Variants in OSBPL6 observed in about 807,000 individuals in gnomAD.
OSBPL6 encodes oxysterol-binding protein-related protein 6.
A neutral mutation model predicts 125.8 loss-of-function variants in OSBPL6; 49 were observed. The ratio of observed to expected loss-of-function variants is 0.39; its 90% confidence interval spans 0.31 to 0.49. The LOEUF is 0.49. Among genes scored for constraint, OSBPL6 ranks in the 20% least tolerant of loss-of-function variants. The pLI is 0.88. For missense variants in OSBPL6, 986 were observed against 1,135.4 expected (o/e 0.87, Z 1.89); for synonymous variants, 394 against 391.8 (o/e 1.01, Z -0.07).
intron 11 of OSBPL6, among the ~76,000 whole-genome samples, chr2:178,347,083 C>T (rs1253041215): frequency 1.3e-5 from 2 of 152,022 alleles, no homozygotes; most frequent in Non-Finnish European, 2.9e-5. Flanking sequence ...TTTTTCTTCT[C>T]AGCATCTGAC....
chr2:178,246,764 C>T (rs2091505560), intron 1 of OSBPL6, among the ~76,000 whole-genome samples: 1 of 152,124 alleles, frequency 6.6e-6, no homozygotes, highest in Non-Finnish European at 1.5e-5. Flanking sequence ...TCCTTTTGGT[C>T]TCACTCCACT....
chr2:178,384,819 T>A (rs1694789820), intron 18 of OSBPL6, among the ~76,000 whole-genome samples: 1 of 152,060 alleles, frequency 6.6e-6, no homozygotes, highest in Admixed American at 6.6e-5. Flanking sequence ...GGTAAAGATC[T>A]TGAGGCCCAC....
rs1381046300 is a variant in OSBPL6 at position 178,401,146 on chromosome 2, T to C, written c.*5587T>C. On this transcript the variant is annotated 3_prime_UTR_variant, in exon 25 of 25. Transcript: ENST00000190611. Reference sequence around the variant, plus strand: ...CGCTGAGGAAACCCTGGGAAGTGTTTTTCTCTTCTGTGTAATGAAAGACTC... The same window carrying C: ...CGCTGAGGAAACCCTGGGAAGTGTTCTTCTCTTCTGTGTAATGAAAGACTC... The C allele has an allele frequency of 6.6e-6, 1 of 152,242 alleles. No individual in the cohort carries two copies. Among genetic ancestry groups the C allele is most frequent in the South Asian group, 2.1e-4 (1 of 4,832 alleles). 9.4% of individuals were successfully genotyped at this position (152,242 alleles called of 1,614,324 possible).
intron 13 of OSBPL6, among the ~76,000 whole-genome samples, chr2:178,363,601 C>G (rs1692549801): frequency 6.6e-6 from 1 of 152,162 alleles, no homozygotes; most frequent in African/African-American, 2.4e-5. Context: ...TTGGAGGAAT[C>G]AGACCTTGAA....
intron 1 of OSBPL6, among the ~76,000 whole-genome samples, chr2:178,233,716 G>A (rs1010509537): frequency 6.6e-6 from 1 of 152,102 alleles, no homozygotes; most frequent in African/African-American, 2.4e-5. Context: ...GCATCAGAAG[G>A]GATCTGGCCA....
At chr2:178,215,592 C>T (rs1025845588) in intron 1 of OSBPL6, among the ~76,000 whole-genome samples, 1 of 151,826 alleles carries the variant, frequency 6.6e-6, no homozygotes, top group Non-Finnish European at 1.5e-5. Flanking sequence ...CTTGGGGACC[C>T]AGCTTTATTC....
At chr2:178,224,352 G>GA (rs1015152251) in intron 1 of OSBPL6, among the ~76,000 whole-genome samples, 19 of 150,514 alleles carry the variant, frequency 1.3e-4, no homozygotes, top group Non-Finnish European at 2.5e-4. Context: ...GTTATGTTTA[G>GA]AAAAAAAAAT....
At chr2:178,215,779 A>G (rs1286338367) in intron 1 of OSBPL6, among the ~76,000 whole-genome samples, 1 of 152,150 alleles carries the variant, frequency 6.6e-6, no homozygotes, top group African/African-American at 2.4e-5. Flanking sequence ...AGTTTTGTCA[A>G]CTGAGGAGAT....
intron 1 of OSBPL6, among the ~76,000 whole-genome samples, chr2:178,235,854 G>A (rs575015904): frequency 7.6e-4 from 115 of 152,186 alleles, no homozygotes; most frequent in Admixed American, 1.6e-3. Context: ...TATTCCTTGG[G>A]TGTCTTTAAT....
rs375630982 is a variant in OSBPL6, at chr2:178,239,592, T to TTTTTTTTTTTA, written c.-351+44921_-351+44922insTTTTTTTATTT. ...GATATTATTAATTTAATGAACTTTA[T>TTTTTTTTTTTA]TTTATTTATTTATTTATTTATTTAT... On this transcript the variant is annotated intron_variant, in intron 1 of 24. Coordinates refer to ENST00000190611, the MANE Select transcript of OSBPL6 (RefSeq NM_032523.4). Among the ~76,000 whole-genome samples, 7 of 138,712 alleles carry TTTTTTTTTTTA rather than the reference T, an allele frequency of 5.0e-5. No individual in the cohort carries two copies. In the Admixed American group the frequency reaches 5.1e-4, roughly 10 times the overall value. 91.0% of individuals were successfully genotyped at this position (138,712 alleles called of 152,430 possible).
At chr2:178,285,282 A>G (rs1684587916) in intron 2 of OSBPL6, among the ~76,000 whole-genome samples, 161 bp downstream of exon 2, 1 of 152,222 alleles carries the variant, frequency 6.6e-6, no homozygotes, top group Admixed American at 6.5e-5. Context: ...CATAATCCTT[A>G]TAATAAAAAG....
At chr2:178,304,611 T>C (rs1367060429) in intron 2 of OSBPL6, among the ~76,000 whole-genome samples, 7 of 152,186 alleles carry the variant, frequency 4.6e-5, no homozygotes, top group East Asian at 1.9e-4. Flanking sequence ...GGCACTAACC[T>C]AGTCACAAGG....
chr2:178,368,892 G>A (rs73034303), intron 13 of OSBPL6, among the ~76,000 whole-genome samples: 4,488 of 151,658 alleles, frequency 0.03, 211 homozygotes, highest in African/African-American at 0.1. Flanking sequence ...TCCACCTCGA[G>A]TTAAAGTGAT....
chr2:178,324,749 A>G (rs367710733), intron 4 of OSBPL6, among the ~76,000 whole-genome samples: 2 of 152,210 alleles, frequency 1.3e-5, no homozygotes, highest in African/African-American at 4.8e-5. Flanking sequence ...TTTTACAAAT[A>G]TGGAAACTGA....
At chr2:178,267,422 A>G (rs759545171) in intron 1 of OSBPL6, among the ~76,000 whole-genome samples, 3 of 151,486 alleles carry the variant, frequency 2.0e-5, no homozygotes, top group African/African-American at 4.8e-5. Context: ...TCTATCTATT[A>G]TGTCTTTACC....
chr2:178,364,109 C>A (rs1692597038), intron 13 of OSBPL6, among the ~76,000 whole-genome samples: 1 of 152,124 alleles, frequency 6.6e-6, no homozygotes, highest in African/African-American at 2.4e-5. Context: ...AATTGTTATT[C>A]ATGGTTAGGC....
intron 3 of OSBPL6, among the ~76,000 whole-genome samples, chr2:178,319,903 A>G (rs1469110544): frequency 6.6e-6 from 1 of 152,244 alleles, no homozygotes; most frequent in Non-Finnish European, 1.5e-5. Flanking sequence ...CTTAGCTAAG[A>G]TAGTTAGGTG....
chr2:178,305,292 G>T (rs538657930), intron 2 of OSBPL6, among the ~76,000 whole-genome samples: 1 of 152,248 alleles, frequency 6.6e-6, no homozygotes, highest in Admixed American at 6.5e-5. Flanking sequence ...TGGAGACAAG[G>T]CCAATTTAAG....
intron 2 of OSBPL6, among the ~76,000 whole-genome samples, chr2:178,295,231 T>G (rs1685640287): frequency 6.6e-6 from 1 of 152,152 alleles, no homozygotes; most frequent in African/African-American, 2.4e-5. Context: ...TAGTGCAGAT[T>G]AACAGACCTG....
Sources: allele counts gnomAD v4.1 joint callset (sites outside exome capture counted in the v4.1 genomes callset), GRCh38; gene constraint gnomAD v4.1.1; transcripts MANE v1.5; gene names NCBI Gene and HGNC (gene_info 2026-07-23, HGNC 2026-07-21).